Variants in HMGB1 observed in about 807,000 individuals in gnomAD.
HMGB1 encodes high mobility group protein B1.
For missense variants in HMGB1, 79 were observed against 253.5 expected, an observed-to-expected ratio of 0.31 and a Z score of 4.67; for synonymous variants, 81 against 84.0, an observed-to-expected ratio of 0.96 and a Z score of 0.19.
At chr13:30,590,366 A>C (rs35991619) in intron 1 of HMGB1, among the ~76,000 whole-genome samples, 23,305 of 151,954 alleles carry the variant, frequency 0.15, 1,924 homozygotes, top group African/African-American at 0.23. Context: ...AGACTGGCTA[A>C]TTTTTGTATT....
chr13:30,614,208 G>A (rs1950539372), intron 1 of HMGB1, among the ~76,000 whole-genome samples: 1 of 152,174 alleles, frequency 6.6e-6, no homozygotes, highest in South Asian at 2.1e-4. Flanking sequence ...GTATCCTTTT[G>A]TACCTTTTGA....
intron 1 of HMGB1, among the ~76,000 whole-genome samples, chr13:30,612,699 C>T (rs953543104): frequency 1.3e-5 from 2 of 152,188 alleles, no homozygotes; most frequent in African/African-American, 2.4e-5. Context: ...GATCAATTCA[C>T]CCTGAAGTGA....
At chr13:30,475,712 C>T (rs921073602) in intron 1 of HMGB1, among the ~76,000 whole-genome samples, 1 of 152,010 alleles carries the variant, frequency 6.6e-6, no homozygotes, top group African/African-American at 2.4e-5. Context: ...TCTAAACAAA[C>T]AAACAAAACC....
rs148827331 is a variant in HMGB1 at position 30,552,605 on chromosome 13, T to A, written c.-15+64066A>T. On this transcript the variant is annotated intron_variant, in intron 1 of 4. Transcript: ENST00000405805. The stretch of plus-strand genomic sequence containing the variant: ...AAGCACTTAGCACACACTATCATAT[T>A]GTCTATTTTCTTTTCTGTCGTATCT... Among the ~76,000 whole-genome samples the A allele has an allele frequency of 4.7e-3, 716 of 152,330 alleles. 7 individuals carry two copies. Among genetic ancestry groups the A allele is most frequent in the African/African-American group, 0.016 (659 of 41,570 alleles).
intron 1 of HMGB1, among the ~76,000 whole-genome samples, chr13:30,531,036 C>A (rs553688157): frequency 6.6e-6 from 1 of 152,172 alleles, no homozygotes; most frequent in African/African-American, 2.4e-5. Flanking sequence ...AAGAGTGAGA[C>A]CCTGTCTCAA....
intron 1 of HMGB1, among the ~76,000 whole-genome samples, chr13:30,520,818 C>A (rs1009350508): frequency 6.6e-6 from 1 of 152,124 alleles, no homozygotes; most frequent in Non-Finnish European, 1.5e-5. Flanking sequence ...GCTCTTGGGG[C>A]TGGGCTCTTT....
intron 1 of HMGB1, among the ~76,000 whole-genome samples, chr13:30,535,670 A>C (rs1444393965): frequency 6.6e-6 from 1 of 152,242 alleles, no homozygotes; most frequent in Non-Finnish European, 1.5e-5. Flanking sequence ...AGGGCAGATC[A>C]CCTAAGGTCA....
chr13:30,464,629 C>G, intron 1 of HMGB1: 1 of 984,034 alleles, frequency 1.0e-6, no homozygotes, highest in African/African-American at 1.8e-5. Flanking sequence ...GGAGAAGCCC[C>G]GCTCGAAATG....
At chr13:30,468,518 T>C (rs1054117888), upstream of HMGB1, among the ~76,000 whole-genome samples, 2 of 152,200 alleles carry the variant, frequency 1.3e-5, no homozygotes, top group Non-Finnish European at 2.9e-5. Flanking sequence ...CCTCCCAAAG[T>C]GCTGGGATTA....
intron 1 of HMGB1, among the ~76,000 whole-genome samples, chr13:30,596,001 G>A (rs1416227888): frequency 6.6e-6 from 1 of 152,162 alleles, no homozygotes; most frequent in East Asian, 1.9e-4. Context: ...AGAATCCTTG[G>A]GGGCCATCTT....
intron 1 of HMGB1, among the ~76,000 whole-genome samples, chr13:30,591,763 C>T (rs915152421): frequency 3.9e-5 from 6 of 152,080 alleles, no homozygotes; most frequent in Admixed American, 2.0e-4. Context: ...TGGCCTACCA[C>T]GCATGCCTGG....
At chr13:30,514,878 T>C (rs1231820933) in intron 1 of HMGB1, among the ~76,000 whole-genome samples, 1 of 152,168 alleles carries the variant, frequency 6.6e-6, no homozygotes, top group Non-Finnish European at 1.5e-5. Flanking sequence ...TCTAAGATGA[T>C]CCTCGATGAC....
chr13:30,477,912 C>G (rs535689218), intron 1 of HMGB1, among the ~76,000 whole-genome samples: 1 of 152,196 alleles, frequency 6.6e-6, no homozygotes, highest in Non-Finnish European at 1.5e-5. Context: ...GACTGCTAAC[C>G]CATACCTGAA....
At chr13:30,574,034 A>C (rs1870544785) in intron 1 of HMGB1, among the ~76,000 whole-genome samples, 1 of 152,184 alleles carries the variant, frequency 6.6e-6, no homozygotes, top group Admixed American at 6.5e-5. Flanking sequence ...CAGACATGCA[A>C]GCTGGGGATG....
At position 30,553,040 on chromosome 13, in the gene HMGB1, A is replaced by G. The variant is rs559817427; in HGVS notation, c.-15+63631T>C. Among the ~76,000 whole-genome samples, 70 of 152,240 alleles carry G rather than the reference A, an allele frequency of 4.6e-4. 1 individual carries two copies. Among genetic ancestry groups the G allele is most frequent in the African/African-American group, 1.6e-3 (66 of 41,552 alleles). On this transcript the variant is annotated intron_variant, in intron 1 of 4. Transcript: ENST00000405805. ...AGTTAAGGCCTGTAAGCTTGCCCTG[A>G]CCACTGAGGGACAGGAGCTCATAGA...
At chr13:30,462,168 T>A (rs1335822336) in intron 4 of HMGB1, among the ~76,000 whole-genome samples, 1 of 152,220 alleles carries the variant, frequency 6.6e-6, no homozygotes, top group Non-Finnish European at 1.5e-5. Flanking sequence ...AACATAAATG[T>A]TTCAGGATAT....
At chr13:30,507,526 T>C (rs532765604) in intron 1 of HMGB1, among the ~76,000 whole-genome samples, 181 of 152,334 alleles carry the variant, frequency 1.2e-3, no homozygotes, top group African/African-American at 4.2e-3. Flanking sequence ...AAAGACAGAC[T>C]GACTCTTCAC....
At chr13:30,464,761 TTGTGTGTGTG>T (rs376284891) in intron 1 of HMGB1, 14 of 164,398 alleles carry the variant, frequency 8.5e-5, no homozygotes, top group East Asian at 4.8e-4. Flanking sequence ...CTCCTTCCCT[TTGTGTGTGTG>T]TGTGTGTGTG....
At chr13:30,525,879 T>C (rs1009140231) in intron 1 of HMGB1, among the ~76,000 whole-genome samples, 6 of 151,178 alleles carry the variant, frequency 4.0e-5, no homozygotes, top group Admixed American at 4.0e-4. Flanking sequence ...AGCCTAACCA[T>C]ATAATGGGGG....
Sources: allele counts gnomAD v4.1 joint callset (sites outside exome capture counted in the v4.1 genomes callset), GRCh38; gene constraint gnomAD v4.1.1; transcripts MANE v1.5; gene names NCBI Gene and HGNC (gene_info 2026-07-23, HGNC 2026-07-21).